Variants in LRRC49 observed in about 807,000 individuals in gnomAD.
LRRC49 encodes the protein leucine-rich repeat-containing protein 49.
Under a neutral mutation model 83.3 loss-of-function variants are expected in LRRC49, and 50 were observed. That is an observed-to-expected ratio of 0.60 (90% CI 0.48 to 0.76). The LOEUF is 0.76. LRRC49 is among the 30% of genes least tolerant of loss of function. The pLI is 0.00. For missense variants in LRRC49, 704 were observed against 809.1 expected, an observed-to-expected ratio of 0.87 and a Z score of 1.58; for synonymous variants, 286 against 283.3, an observed-to-expected ratio of 1.01 and a Z score of -0.10.
intron 5 of LRRC49, chr15:70,907,944 T>C: frequency 2.2e-6 from 1 of 456,028 alleles, no homozygotes; most frequent in South Asian, 1.5e-5. Context: ...GTAGGGGCCT[T>C]CTAGGTCAAC....
intron 8 of LRRC49, among the ~76,000 whole-genome samples, chr15:70,938,501 C>T (rs2035683221): frequency 6.6e-6 from 1 of 152,056 alleles, no homozygotes; most frequent in Non-Finnish European, 1.5e-5. Context: ...AGTATGTTTC[C>T]TGCTCTGTTT....
intron 13 of LRRC49, among the ~76,000 whole-genome samples, chr15:71,010,305 A>G (rs193045067): frequency 4.7e-4 from 72 of 152,034 alleles, no homozygotes; most frequent in Admixed American, 8.5e-4. Context: ...TAACTCTTTT[A>G]TAAGTAATGT....
chr15:70,887,558 T>C (rs575931941), upstream of LRRC49, among the ~76,000 whole-genome samples: 101 of 152,172 alleles, frequency 6.6e-4, no homozygotes, highest in Admixed American at 1.4e-3. Flanking sequence ...AAATTCACCA[T>C]TATTTATAAT....
chr15:70,924,711 A>C (rs1161414115), intron 7 of LRRC49, among the ~76,000 whole-genome samples: 3 of 151,942 alleles, frequency 2.0e-5, no homozygotes, highest in African/African-American at 7.2e-5. Flanking sequence ...ATCTCTGTCT[A>C]TCCTTCTTCC....
At chr15:70,981,365 C>T (rs1368745939) in intron 10 of LRRC49, among the ~76,000 whole-genome samples, 5 of 149,102 alleles carry the variant, frequency 3.4e-5, no homozygotes, top group East Asian at 2.0e-4. Context: ...GGCTAGGGGA[C>T]GGATAGCATT....
intron 14 of LRRC49, among the ~76,000 whole-genome samples, chr15:71,035,800 A>G (rs2039500905): frequency 6.6e-6 from 1 of 152,196 alleles, no homozygotes; most frequent in South Asian, 2.1e-4. Flanking sequence ...TAGCCCTGCA[A>G]TAAACATACA....
At position 71,034,867 on chromosome 15, in the gene LRRC49, G is replaced by T. The variant is rs529193527; in HGVS notation, c.1704-2312G>T. Among the ~76,000 whole-genome samples the T allele has an allele frequency of 2.0e-5, 3 of 152,216 alleles. No individual in the cohort carries two copies. The South Asian group carries it at 6.2e-4, about 32-fold the overall frequency. On this transcript the variant is annotated intron_variant, in intron 14 of 15. Coordinates refer to ENST00000260382, the MANE Select transcript of LRRC49 (RefSeq NM_017691.5). ...ATGAGAACATATGGTCACAGGGAGG[G>T]GAACAATACACGCTGGGGCCTACCA...
At chr15:70,909,881 A>C (rs1318062292) in intron 5 of LRRC49, among the ~76,000 whole-genome samples, 3 of 85,892 alleles carry the variant, frequency 3.5e-5, no homozygotes, top group South Asian at 4.2e-4. Context: ...CACACACAAA[A>C]CAAACAAAAA....
At chr15:70,897,138 T>G (rs2033872063) in intron 3 of LRRC49, among the ~76,000 whole-genome samples, 1 of 152,190 alleles carries the variant, frequency 6.6e-6, no homozygotes, top group Non-Finnish European at 1.5e-5. Flanking sequence ...CAAAATTAAG[T>G]ACTTTCACTA....
At chr15:70,868,596 C>T (rs552147332) in intron 1 of LRRC49, among the ~76,000 whole-genome samples, 2 of 152,368 alleles carry the variant, frequency 1.3e-5, no homozygotes, top group South Asian at 2.1e-4. Context: ...CTCAGAGTTT[C>T]TGACTCAGTA....
chr15:70,943,292 C>G (rs546008900), intron 8 of LRRC49, among the ~76,000 whole-genome samples: 1 of 152,078 alleles, frequency 6.6e-6, no homozygotes. Context: ...CAATTCTTGC[C>G]TCCTCAGAAG....
At chr15:70,926,578 T>C (rs1205283556) in intron 7 of LRRC49, among the ~76,000 whole-genome samples, 1 of 152,152 alleles carries the variant, frequency 6.6e-6, no homozygotes, top group Non-Finnish European at 1.5e-5. Context: ...GTAGGTTAGT[T>C]ACATATGTAT....
intron 14 of LRRC49, among the ~76,000 whole-genome samples, chr15:71,019,209 G>C (rs1375373131): frequency 1.3e-5 from 2 of 152,146 alleles, no homozygotes; most frequent in Non-Finnish European, 2.9e-5. Flanking sequence ...CTCCCCAGAG[G>C]TTGGGGATGG....
rs773039420 is a variant in LRRC49 at position 71,051,864 on chromosome 15, G to C, written c.*2252G>C. ...GTAATAGGGTCTCTCTCTTGTTCCT[G>C]AAACCAAGCCTCTTTATTCCTCAGC... On this transcript the variant is annotated 3_prime_UTR_variant, in exon 16 of 16. Transcript: ENST00000260382. 2.9e-4 allele frequency: 44 copies of C among 152,412 alleles called. No individual in the cohort carries two copies. The highest frequency in any genetic ancestry group is 3.1e-3 in the Middle Eastern group (1 of 318). The allele number at this position is 152,412 out of a possible 1,614,324, so 9.4% of individuals were successfully genotyped here.
chr15:70,892,951 G>A lies in LRRC49; in HGVS notation c.48+9G>A. On this transcript the variant is annotated intron_variant, in intron 1 of 15. Coordinates refer to ENST00000260382, the MANE Select transcript of LRRC49 (RefSeq NM_017691.5). The stretch of plus-strand genomic sequence containing the variant: ...GCCGGGCTGCGAACAACGTAAGTTG[G>A]GCCTTCTACTTTCTCTTTCTTCCCA... 6.2e-7 allele frequency: 1 copy of A among 1,614,092 alleles called. No homozygotes were observed. Among genetic ancestry groups the A allele is most frequent in the Non-Finnish European group, 8.5e-7 (1 of 1,179,988 alleles).
chr15:70,971,908 C>G lies in LRRC49; in HGVS notation c.921+7976C>G, dbSNP rs569913507. ...TGTGAGATGGGTCTGCTGAATACAG[C>G]ACACCAATGGGTCTTGACTCTTTAT... On this transcript the variant is annotated intron_variant, in intron 9 of 15. Coordinates refer to ENST00000260382, the MANE Select transcript of LRRC49 (RefSeq NM_017691.5). 2.0e-5 allele frequency among the ~76,000 whole-genome samples: 3 copies of G among 150,934 alleles called. No individual in the cohort carries two copies. The East Asian group carries it at 5.9e-4, about 30-fold the overall frequency.
intron 14 of LRRC49, among the ~76,000 whole-genome samples, chr15:71,023,705 G>T (rs939807494): frequency 1.3e-5 from 2 of 152,236 alleles, no homozygotes; most frequent in African/African-American, 2.4e-5. Flanking sequence ...GCAACCCACA[G>T]ATCAGGAGAT....
At chr15:70,877,489 A>C (rs1039039966) in intron 2 of LRRC49, among the ~76,000 whole-genome samples, 2 of 152,194 alleles carry the variant, frequency 1.3e-5, no homozygotes, top group African/African-American at 2.4e-5. Context: ...TTCACTCAGC[A>C]TAATACTTTC....
At chr15:71,025,458 A>G (rs1208066886) in intron 14 of LRRC49, among the ~76,000 whole-genome samples, 2 of 152,192 alleles carry the variant, frequency 1.3e-5, no homozygotes, top group East Asian at 3.8e-4. Context: ...AACTACATCA[A>G]CAAGTCTGCA....
Sources: allele counts gnomAD v4.1 joint callset (sites outside exome capture counted in the v4.1 genomes callset), GRCh38; gene constraint gnomAD v4.1.1; transcripts MANE v1.5; gene names NCBI Gene and HGNC (gene_info 2026-07-23, HGNC 2026-07-21).